CCDC171: variants seen among roughly 807,000 people sequenced by gnomAD.
The protein encoded by CCDC171 is coiled-coil domain containing 171, also known as coiled-coil domain-containing protein 171.
CCDC171 carries 177 observed loss-of-function variants against 168.2 expected under a neutral mutation model. The ratio of observed to expected loss-of-function variants is 1.05; its 90% CI spans 0.93 to 1.19. The LOEUF is 1.19. Ranked by LOEUF, CCDC171 falls within the 50% of genes most tolerant of loss-of-function variation. The pLI is 0.00. For missense variants in CCDC171, 1,991 were observed against 1,539.0 expected (o/e 1.29, Z -4.91); for synonymous variants, 687 against 540.8 (o/e 1.27, Z -3.75).
intron 20 of CCDC171, among the ~76,000 whole-genome samples, chr9:15,780,637 A>G (rs2057615908): frequency 6.6e-6 from 1 of 152,290 alleles, no homozygotes; most frequent in East Asian, 1.9e-4. Flanking sequence ...TCGTGTGTAT[A>G]TATGTGCCTG....
At chr9:15,572,285 T>C (rs141558073) in intron 3 of CCDC171, among the ~76,000 whole-genome samples, 110 of 152,280 alleles carry the variant, frequency 7.2e-4, no homozygotes, top group African/African-American at 2.6e-3. Context: ...ATGAGTCATA[T>C]CTTTATGCCT....
chr9:15,977,949 A>G (rs1476340430), downstream of CCDC171, among the ~76,000 whole-genome samples: 1 of 152,226 alleles, frequency 6.6e-6, no homozygotes, highest in African/African-American at 2.4e-5. Context: ...AAATAATTAC[A>G]GGCTATATAA....
At chr9:15,807,497 T>G (rs1053184332) in intron 21 of CCDC171, among the ~76,000 whole-genome samples, 2 of 152,186 alleles carry the variant, frequency 1.3e-5, no homozygotes, top group African/African-American at 4.8e-5. Context: ...GCCTTACTAC[T>G]GAGGTATGGT....
At chr9:15,654,245 A>T (rs1427446263) in intron 7 of CCDC171, among the ~76,000 whole-genome samples, 1 of 152,042 alleles carries the variant, frequency 6.6e-6, no homozygotes, top group Non-Finnish European at 1.5e-5. Context: ...ATAGCTCATT[A>T]AGAAATATTT....
At chr9:15,962,163 G>C (rs1423014729) in intron 25 of CCDC171, among the ~76,000 whole-genome samples, 1 of 152,104 alleles carries the variant, frequency 6.6e-6, no homozygotes, top group African/African-American at 2.4e-5. Context: ...CAACACAGGG[G>C]CTAATGCTTG....
At chr9:15,635,432 G>T (rs115966848) in intron 7 of CCDC171, among the ~76,000 whole-genome samples, 1 of 152,036 alleles carries the variant, frequency 6.6e-6, no homozygotes, top group African/African-American at 2.4e-5. Context: ...TGAAGAACTT[G>T]GAGTCTGATG....
At chr9:16,040,452 C>T (rs543974580), upstream of CCDC171, among the ~76,000 whole-genome samples, 8 of 152,244 alleles carry the variant, frequency 5.3e-5, 1 homozygote, top group East Asian at 1.9e-4. Context: ...CCAGCTGGGA[C>T]GGCCCACCGC....
In CCDC171 at chr9:15,564,142, T is replaced by G; in HGVS notation, c.41+13T>G. 1 of 1,595,978 alleles carries G rather than the reference T, an allele frequency of 6.3e-7. No homozygotes were observed. The highest frequency in any genetic ancestry group is 8.6e-7 in the Non-Finnish European group (1 of 1,169,570). ...GTGATACCCAAAGGTAAGCCTCTAG[T>G]CTCTTCTTTTAGTTGATGAACGTTT... On this transcript the variant is annotated intron_variant, in intron 2 of 25. Coordinates refer to ENST00000380701, the MANE Select transcript of CCDC171 (RefSeq NM_173550.4).
chr9:15,900,412 G>C (rs1325638165), intron 24 of CCDC171, among the ~76,000 whole-genome samples: 2 of 152,184 alleles, frequency 1.3e-5, no homozygotes, highest in East Asian at 3.9e-4. Context: ...ACAATGGCAA[G>C]TAAGTGAATT....
chr9:15,585,850 C>G (rs141976099), intron 4 of CCDC171, among the ~76,000 whole-genome samples: 1 of 151,968 alleles, frequency 6.6e-6, no homozygotes, highest in African/African-American at 2.4e-5. Context: ...GTAGTGCACG[C>G]CTGTAATTTC....
intron 3 of CCDC171, among the ~76,000 whole-genome samples, chr9:16,017,496 T>C (rs1350487279): frequency 2.0e-5 from 3 of 152,178 alleles, no homozygotes; most frequent in Non-Finnish European, 4.4e-5. Flanking sequence ...TTTTAAAATA[T>C]ATTTTAAAGC....
At chr9:15,954,431 G>C (rs1407235170) in intron 25 of CCDC171, among the ~76,000 whole-genome samples, 1 of 151,474 alleles carries the variant, frequency 6.6e-6, no homozygotes, top group Non-Finnish European at 1.5e-5. Flanking sequence ...TTCTTCTTTG[G>C]ACCATTGGTT....
At chr9:16,039,531 G>C (rs564553195), upstream of CCDC171, among the ~76,000 whole-genome samples, 3 of 152,108 alleles carry the variant, frequency 2.0e-5, no homozygotes, top group African/African-American at 4.8e-5. Flanking sequence ...TTCTCCTCAC[G>C]GAACAGTCTA....
chr9:15,680,735 C>A (rs970731147), intron 10 of CCDC171, among the ~76,000 whole-genome samples: 2 of 152,132 alleles, frequency 1.3e-5, no homozygotes, highest in African/African-American at 4.8e-5. Context: ...ATTTCATGGG[C>A]TGTTTTAACT....
intron 12 of CCDC171, 170 bp from the exon 13 acceptor site, chr9:15,723,511 A>C (rs2053616054): frequency 1.8e-6 from 1 of 565,264 alleles, no homozygotes; most frequent in East Asian, 3.4e-5. Context: ...ATAGCATTTA[A>C]CCAAAAGAAA....
intron 24 of CCDC171, among the ~76,000 whole-genome samples, chr9:15,894,387 G>A (rs1030959767): frequency 2.0e-5 from 3 of 152,006 alleles, no homozygotes; most frequent in African/African-American, 7.2e-5. Flanking sequence ...ACGTTTACCT[G>A]TGTAACAAAC....
At chr9:15,790,556 C>A (rs2058203075) in intron 21 of CCDC171, among the ~76,000 whole-genome samples, 1 of 152,196 alleles carries the variant, frequency 6.6e-6, no homozygotes, top group South Asian at 2.1e-4. Context: ...TGCCTGTTCA[C>A]TCTGATGGTA....
At chr9:15,674,248 C>T in intron 9 of CCDC171, among the ~76,000 whole-genome samples, 1 of 152,120 alleles carries the variant, frequency 6.6e-6, no homozygotes, top group Admixed American at 6.5e-5. Flanking sequence ...ATTCTTCTCT[C>T]TTTTCTTGTT....
chr9:15,900,579 T>A (rs1050300561), intron 24 of CCDC171, among the ~76,000 whole-genome samples: 1 of 152,100 alleles, frequency 6.6e-6, no homozygotes. Flanking sequence ...GATAATAAAT[T>A]TGTGTTGTTC....
Sources: gnomAD v4.1 joint callset for allele counts (sites outside exome capture counted in the v4.1 genomes callset) on GRCh38, gnomAD v4.1.1 for gene constraint, MANE v1.5 for transcripts, NCBI Gene and HGNC (gene_info 2026-07-23, HGNC 2026-07-21) for gene names.